PHKB: variants seen among roughly 807,000 people sequenced by gnomAD.
The protein encoded by PHKB is phosphorylase b kinase regulatory subunit beta.
PHKB carries 122 observed loss-of-function variants against 152.1 expected under a neutral mutation model. That is an observed-to-expected ratio of 0.80 (90% CI 0.69 to 0.93). The LOEUF (loss-of-function observed/expected upper bound fraction) is 0.93, where lower values mean the gene tolerates loss of function less well. PHKB is among the 40% of genes least tolerant of loss of function. PHKB has a pLI of 0.00. For missense variants in PHKB, 1,304 were observed against 1,328.4 expected, an observed-to-expected ratio of 0.98 and a Z score of 0.29; for synonymous variants, 436 against 464.9, an observed-to-expected ratio of 0.94 and a Z score of 0.80.
At chr16:47,540,819 G>GTTTTTTTTTTTTTTTTTTTTTTTTTTTTT (rs75589113) in intron 6 of PHKB, among the ~76,000 whole-genome samples, 1 of 64,286 alleles carries the variant, frequency 1.6e-5, no homozygotes, top group African/African-American at 6.4e-5. Flanking sequence ...TAAATGTCCT[G>GTTTTTTTTTTTTTTTTTTTTTTTTTTTTT]TTTTTTTTTT....
At chr16:47,669,498 A>G (rs1202868978) in intron 26 of PHKB, 81 bp downstream of exon 26, 5 of 1,234,198 alleles carry the variant, frequency 4.1e-6, no homozygotes, top group South Asian at 2.4e-5. Context: ...AAGTGAAGCA[A>G]TGTTCCTGGT....
intron 5 of PHKB, among the ~76,000 whole-genome samples, chr16:47,513,888 A>G (rs1324821142): frequency 6.6e-6 from 1 of 152,208 alleles, no homozygotes; most frequent in Admixed American, 6.5e-5. Flanking sequence ...TATTTAAAGT[A>G]TATAGTTTGA....
At chr16:47,696,759 C>T (rs1028236898) in intron 29 of PHKB, among the ~76,000 whole-genome samples, 1 of 152,348 alleles carries the variant, frequency 6.6e-6, no homozygotes, top group Non-Finnish European at 1.5e-5. Context: ...CCCTGCTTTT[C>T]AGCCACACAA....
At chr16:47,517,630 T>C (rs1194478957) in intron 6 of PHKB, among the ~76,000 whole-genome samples, 1 of 152,238 alleles carries the variant, frequency 6.6e-6, no homozygotes, top group Non-Finnish European at 1.5e-5. Flanking sequence ...ATTCATTTTG[T>C]ATTTTTATTT....
At chr16:47,611,938 A>G (rs1972435967) in intron 14 of PHKB, among the ~76,000 whole-genome samples, 1 of 152,166 alleles carries the variant, frequency 6.6e-6, no homozygotes, top group African/African-American at 2.4e-5. Context: ...GTAAGGGGGT[A>G]TTTGGCCTTT....
intron 7 of PHKB, among the ~76,000 whole-genome samples, chr16:47,563,583 G>T (rs561102666): frequency 1.5e-4 from 23 of 152,204 alleles, no homozygotes; most frequent in Admixed American, 5.2e-4. Flanking sequence ...AGACTTTGTT[G>T]TTCCATTTCT....
At position 47,587,765 on chromosome 16, in the gene PHKB, T is replaced by A; in HGVS notation, c.870+2T>A. 1 of 1,589,424 alleles carries A rather than the reference T, an allele frequency of 6.3e-7. No homozygotes were observed. The highest frequency in any genetic ancestry group is 1.3e-5 in the African/African-American group (1 of 74,580). On this transcript the variant is annotated splice_donor_variant, in intron 9 of 30. Coordinates refer to ENST00000323584, the MANE Select transcript of PHKB (RefSeq NM_000293.3). LOFTEE classifies it high-confidence loss of function. The stretch of plus-strand genomic sequence containing the variant: ...TTACCCAGAGAATCAAGATCACATG[T>A]GAGACATTTAATAATGATAAATTTA...
intron 6 of PHKB, among the ~76,000 whole-genome samples, chr16:47,524,375 T>TA (rs1045454054): frequency 1.3e-5 from 2 of 152,038 alleles, no homozygotes; most frequent in Non-Finnish European, 2.9e-5. Context: ...TTAACTGCCT[T>TA]AAAAAAAATA....
At chr16:47,536,294 G>A (rs757137880) in intron 6 of PHKB, among the ~76,000 whole-genome samples, 5 of 151,952 alleles carry the variant, frequency 3.3e-5, no homozygotes, top group Admixed American at 1.3e-4. Flanking sequence ...CAGGTGATCC[G>A]CCCACCTCAG....
intron 14 of PHKB, among the ~76,000 whole-genome samples, chr16:47,621,640 G>A (rs933673366): frequency 6.6e-6 from 1 of 152,144 alleles, no homozygotes; most frequent in Non-Finnish European, 1.5e-5. Flanking sequence ...AAGCGTTTGT[G>A]TGGGACCAAA....
intron 30 of PHKB, 194 bp from the exon 31 acceptor site, chr16:47,699,035 G>T: frequency 1.6e-6 from 1 of 610,132 alleles, no homozygotes; most frequent in South Asian, 2.0e-5. Context: ...ATCAACAAAG[G>T]AGAGAATACT....
At chr16:47,678,093 C>A (rs1201349096) in intron 26 of PHKB, among the ~76,000 whole-genome samples, 6 of 151,810 alleles carry the variant, frequency 4.0e-5, no homozygotes, top group East Asian at 1.9e-4. Context: ...TACAAAGGAC[C>A]TGAACTCATC....
chr16:47,506,948 C>T (rs1041705123), intron 4 of PHKB, among the ~76,000 whole-genome samples: 7 of 152,114 alleles, frequency 4.6e-5, no homozygotes, highest in South Asian at 2.1e-4. Flanking sequence ...CCTTGTGGCA[C>T]GGTTAGCCAG....
chr16:47,594,457 A>G (rs558212555), intron 12 of PHKB, among the ~76,000 whole-genome samples: 2 of 152,316 alleles, frequency 1.3e-5, no homozygotes, highest in African/African-American at 4.8e-5. Flanking sequence ...TCTGTTATTT[A>G]CTATGTAACT....
At chr16:47,598,077 A>G (rs1972155283) in intron 13 of PHKB, 1 of 152,182 alleles carries the variant, frequency 6.6e-6, no homozygotes, top group Non-Finnish European at 1.5e-5. Flanking sequence ...TGACTAAAAT[A>G]AAATGACATT....
intron 13 of PHKB, 52 bp from the exon 14 acceptor site, chr16:47,610,774 T>C: frequency 1.0e-6 from 1 of 976,150 alleles, no homozygotes; most frequent in Non-Finnish European, 1.7e-6. Flanking sequence ...AGTTGGTTTA[T>C]AGTGTTATGC....
chr16:47,629,579 C>G (rs1299171170), intron 14 of PHKB, among the ~76,000 whole-genome samples: 12 of 150,064 alleles, frequency 8.0e-5, no homozygotes, highest in South Asian at 4.2e-4. Context: ...GTTGGTGGGA[C>G]TGTAAACTAG....
intron 18 of PHKB, 100 bp from the exon 19 acceptor site, chr16:47,650,444 T>G: frequency 4.0e-6 from 3 of 757,486 alleles, no homozygotes; most frequent in Non-Finnish European, 7.2e-6. Context: ...TGAACTGTCT[T>G]GCTACATAAG....
chr16:47,558,279 G>A (rs1971415593), intron 7 of PHKB, among the ~76,000 whole-genome samples: 5 of 151,466 alleles, frequency 3.3e-5, no homozygotes, highest in Admixed American at 2.6e-4. Context: ...TATATCTAAT[G>A]CTAAATGACG....
Sources: gnomAD v4.1 joint callset for allele counts (sites outside exome capture counted in the v4.1 genomes callset) on GRCh38, gnomAD v4.1.1 for gene constraint, MANE v1.5 for transcripts, NCBI Gene and HGNC (gene_info 2026-07-23, HGNC 2026-07-21) for gene names.